LRRC20: variants seen among roughly 807,000 people sequenced by gnomAD.
LRRC20 encodes leucine-rich repeat-containing protein 20.
A neutral mutation model predicts 14.4 loss-of-function variants in LRRC20; 11 were observed. The observed-to-expected ratio is 0.77, with a 90% CI of 0.48 to 1.27. The LOEUF (loss-of-function observed/expected upper bound fraction) is 1.27. LRRC20 is among the 50% of genes most tolerant of loss of function. The probability of loss-of-function intolerance (pLI) is 0.00; values close to 1 mark genes in which losing one functional copy is unlikely to be tolerated. For synonymous variants in LRRC20, 121 were observed against 107.3 expected (o/e 1.13, Z -0.79); for missense variants, 219 against 251.2 (o/e 0.87, Z 0.87).
rs1841163932 is a variant in LRRC20, at chr10:70,301,191, T to C, written c.*163A>G. On this transcript the variant is annotated 3_prime_UTR_variant, in exon 5 of 5. Transcript: ENST00000446961. Reference sequence around the variant, plus strand: ...CCTTGGGCATTCCAGAGCCCACTACTGCTGTAAGCTATCTATCCAGACCAG... The same window carrying C: ...CCTTGGGCATTCCAGAGCCCACTACCGCTGTAAGCTATCTATCCAGACCAG... 2.8e-6 allele frequency: 4 copies of C among 1,411,310 alleles called. No homozygotes were observed. The highest frequency in any genetic ancestry group is 3.7e-6 in the Non-Finnish European group (4 of 1,086,128). The allele number at this position is 1,411,310 out of a possible 1,614,324, so 87.4% of individuals were successfully genotyped here. A position where few individuals can be genotyped will look rare whatever the true frequency, so the allele number is the denominator to read the frequency against.
intron 2 of LRRC20, among the ~76,000 whole-genome samples, chr10:70,370,255 G>A (rs1344872667): frequency 6.6e-6 from 1 of 152,128 alleles, no homozygotes; most frequent in African/African-American, 2.4e-5. Flanking sequence ...GTGCTTCTAG[G>A]CTGGTCACAC....
At chr10:70,303,904 T>A (rs953280998) in intron 4 of LRRC20, among the ~76,000 whole-genome samples, 2 of 152,178 alleles carry the variant, frequency 1.3e-5, no homozygotes, top group Non-Finnish European at 2.9e-5. Flanking sequence ...GTGACAGAAG[T>A]ATTTTGGAAT....
At chr10:70,346,172 G>A (rs1161973766) in intron 2 of LRRC20, among the ~76,000 whole-genome samples, 1 of 152,172 alleles carries the variant, frequency 6.6e-6, no homozygotes, top group African/African-American at 2.4e-5. Context: ...AGAACTGCCT[G>A]AACCCGGGAG....
rs527472095 is a variant in LRRC20, at chr10:70,340,080, C to T, written c.232+473G>A. Among the ~76,000 whole-genome samples, 8 of 151,572 alleles carry T rather than the reference C, an allele frequency of 5.3e-5. No homozygotes were observed. In the South Asian group the frequency reaches 1.5e-3, roughly 28 times the overall value. ...AGGCTGCAGTGAGCCGAGATCACAC[C>T]GCTGCACTCCAGCCTGGGCGATACA... On this transcript the variant is annotated intron_variant, in intron 3 of 4. Transcript: ENST00000446961.
At chr10:70,343,871 CT>C (rs1419755946) in intron 2 of LRRC20, among the ~76,000 whole-genome samples, 2 of 152,178 alleles carry the variant, frequency 1.3e-5, no homozygotes, top group Non-Finnish European at 2.9e-5. Context: ...ATAAGGATGT[CT>C]TTCATCACCA....
At chr10:70,371,394 C>T (rs10999302) in intron 2 of LRRC20, among the ~76,000 whole-genome samples, 34,457 of 151,876 alleles carry the variant, frequency 0.23, 4,102 homozygotes, top group Middle Eastern at 0.34. Context: ...GTACTAGGTG[C>T]CTGGGGGCTC....
At chr10:70,368,314 C>T (rs1844113099) in intron 2 of LRRC20, among the ~76,000 whole-genome samples, 1 of 151,838 alleles carries the variant, frequency 6.6e-6, no homozygotes, top group African/African-American at 2.4e-5. Context: ...CCCACCACCA[C>T]GCCCGGCTAA....
chr10:70,301,243 C>T lies in LRRC20; in HGVS notation c.*111G>A, dbSNP rs10999250. ...TGCACCCCACCCACCACGTGCTGCTCGGCCCACCCGCCCCCAGCCCCCAGG... is the reference window on the plus strand; with the variant it reads ...TGCACCCCACCCACCACGTGCTGCTTGGCCCACCCGCCCCCAGCCCCCAGG... On this transcript the variant is annotated 3_prime_UTR_variant, in exon 5 of 5. Transcript: ENST00000446961. The T allele has an allele frequency of 0.18, 261,531 of 1,459,126 alleles. 25,914 individuals carry two copies. The highest frequency in any genetic ancestry group is 0.2 in the Non-Finnish European group (218,415 of 1,108,804). The allele number at this position is 1,459,126 out of a possible 1,614,324, so 90.4% of individuals were successfully genotyped here. A position where few individuals can be genotyped will look rare whatever the true frequency, so the allele number is the denominator to read the frequency against.
At chr10:70,324,744 G>T (rs886272068) in intron 3 of LRRC20, among the ~76,000 whole-genome samples, 8 of 152,212 alleles carry the variant, frequency 5.3e-5, no homozygotes, top group African/African-American at 1.9e-4. Flanking sequence ...TGTGCAGGGA[G>T]GAGAGCTGGG....
At position 70,301,263 on chromosome 10, in the gene LRRC20, C is replaced by CCCG; in HGVS notation, c.*90_*91insCGG. 6.7e-7 allele frequency: 1 copy of CCCG among 1,499,254 alleles called. No homozygotes were observed. The highest frequency in any genetic ancestry group is 2.1e-5 in the Admixed American group (1 of 48,358). 92.9% of individuals were successfully genotyped at this position (1,499,254 alleles called of 1,614,324 possible). Reference sequence around the variant, plus strand: ...CTGCTCGGCCCACCCGCCCCCAGCCCCCAGGCTTGGCCTCCCATGGGCCTC... The same window carrying CCCG: ...CTGCTCGGCCCACCCGCCCCCAGCCCCCGCCAGGCTTGGCCTCCCATGGGCCTC... On this transcript the variant is annotated 3_prime_UTR_variant, in exon 5 of 5. Transcript: ENST00000446961.
intron 4 of LRRC20, among the ~76,000 whole-genome samples, chr10:70,323,607 C>A (rs1439421277): frequency 6.6e-6 from 1 of 152,198 alleles, no homozygotes; most frequent in East Asian, 1.9e-4. Flanking sequence ...CCTACAGTGG[C>A]CTGGCTAGTT....
intron 2 of LRRC20, among the ~76,000 whole-genome samples, chr10:70,360,509 T>C (rs1843682221): frequency 6.6e-6 from 1 of 152,186 alleles, no homozygotes. Flanking sequence ...TGATCATAGC[T>C]TACTGCAACC....
At chr10:70,325,211 C>T (rs566747401) in intron 3 of LRRC20, among the ~76,000 whole-genome samples, 22 of 152,246 alleles carry the variant, frequency 1.4e-4, no homozygotes, top group African/African-American at 5.3e-4. Context: ...TCAGAAGGGC[C>T]CCGCACTTGG....
chr10:70,374,341 CCT>C (rs1844421102), intron 2 of LRRC20, among the ~76,000 whole-genome samples: 1 of 129,592 alleles, frequency 7.7e-6, no homozygotes. Context: ...GTCCCTATCC[CCT>C]GTGAAGCCTT....
At chr10:70,306,310 G>A (rs7072775) in intron 4 of LRRC20, among the ~76,000 whole-genome samples, 39,525 of 152,002 alleles carry the variant, frequency 0.26, 5,996 homozygotes, top group Non-Finnish European at 0.33. Context: ...CCACAGTTCA[G>A]TGTGGTCAGG....
At chr10:70,335,992 G>C (rs1176412643) in intron 3 of LRRC20, among the ~76,000 whole-genome samples, 1 of 152,138 alleles carries the variant, frequency 6.6e-6, no homozygotes, top group African/African-American at 2.4e-5. Context: ...CTCACATTAT[G>C]ACATGGTGTC....
At position 70,340,579 on chromosome 10, in the gene LRRC20, A is replaced by G; in HGVS notation, c.206T>C (p.Phe69Ser). ...TCGGAGCTGACTGAATGTGGTCATG[A>G]ACTTGCTGGTGAGGGACTTAAGCTC... Reference protein sequence around the residue: ...NNELKSLTSKFMTTFSQLREL... With the variant: ...NNELKSLTSKSMTTFSQLREL... The change falls in exon 3 of 5, where the codon TTC (phenylalanine) becomes TCC (serine). Residue 69 changes from phenylalanine (F) to serine (S), a missense_variant. By Grantham distance (155) the Phe-to-Ser change is radical. Transcript: ENST00000446961. 3 of 1,614,156 alleles carry G rather than the reference A, an allele frequency of 1.9e-6. No individual in the cohort carries two copies. The highest frequency in any genetic ancestry group is 2.5e-6 in the Non-Finnish European group (3 of 1,180,028).
chr10:70,323,265 A>G (rs748414311), intron 4 of LRRC20, among the ~76,000 whole-genome samples: 1 of 151,980 alleles, frequency 6.6e-6, no homozygotes, highest in African/African-American at 2.4e-5. Flanking sequence ...GGAGACACAT[A>G]ATCGCTGCAA....
intron 2 of LRRC20, among the ~76,000 whole-genome samples, chr10:70,342,857 G>A (rs532887438): frequency 6.6e-6 from 1 of 152,006 alleles, no homozygotes; most frequent in East Asian, 1.9e-4. Flanking sequence ...AGCACTCATC[G>A]AGCGTGACAG....
Sources: gnomAD v4.1 joint callset for allele counts (sites outside exome capture counted in the v4.1 genomes callset) on GRCh38, gnomAD v4.1.1 for gene constraint, MANE v1.5 for transcripts, NCBI Gene and HGNC (gene_info 2026-07-23, HGNC 2026-07-21) for gene names.